Variants in SLC9A3 observed in about 807,000 individuals in gnomAD.
SLC9A3 encodes the protein sodium/hydrogen exchanger 3.
SLC9A3 carries 37 observed loss-of-function variants against 86.8 expected under a neutral mutation model. That is an observed-to-expected ratio of 0.43 (90% CI 0.33 to 0.56). The LOEUF is 0.56. Among genes scored for constraint, SLC9A3 ranks in the 20% least tolerant of loss-of-function variants. The probability of loss-of-function intolerance (pLI) is 0.06; values close to 1 mark genes in which losing one functional copy is unlikely to be tolerated. For missense variants in SLC9A3, 1,011 were observed against 1,171.9 expected, an observed-to-expected ratio of 0.86 and a Z score of 2.00; for synonymous variants, 581 against 528.3, an observed-to-expected ratio of 1.10 and a Z score of -1.37.
At position 476,360 on chromosome 5, in the gene SLC9A3, G is replaced by A; in HGVS notation, c.1909C>T (p.Arg637Ter). The change falls in exon 13 of 17, where the codon CGA (arginine) becomes TGA (stop). Residue 637 changes from arginine to a stop codon, truncating the protein, a stop_gained. Coordinates refer to ENST00000264938, the MANE Select transcript of SLC9A3 (RefSeq NM_004174.4). LOFTEE classifies it high-confidence loss of function. ...TCCTCCGTGGGCGTGAGCTCGTGTC[G>A]GCTGTACAGATGCTTGTACTGCGGG... Reference protein sequence around the residue: ...PRQEYKHLYSRHELTPTEDEK... With the variant: ...PRQEYKHLYS 1 of 1,613,764 alleles carries A rather than the reference G, an allele frequency of 6.2e-7. No individual in the cohort carries two copies.
intron 1 of SLC9A3, among the ~76,000 whole-genome samples, chr5:506,120 A>G (rs1200824630): frequency 1.3e-5 from 2 of 151,954 alleles, no homozygotes; most frequent in Non-Finnish European, 2.9e-5. Context: ...TGTTAACTGC[A>G]CCTGTGCCTG....
rs1171631711 is a variant in SLC9A3, at chr5:471,169, A to T, written c.*2210T>A. 6.4e-6 allele frequency: 1 copy of T among 156,524 alleles called. No homozygotes were observed. Among genetic ancestry groups the T allele is most frequent in the Non-Finnish European group, 1.4e-5 (1 of 70,426 alleles). The allele number at this position is 156,524 out of a possible 1,614,324, so 9.7% of individuals were successfully genotyped here. On this transcript the variant is annotated 3_prime_UTR_variant, in exon 17 of 17. Coordinates refer to ENST00000264938, the MANE Select transcript of SLC9A3 (RefSeq NM_004174.4). ...GGTGCTGAAGACCGACCAGTCAAGGAGGTGTTGGTGGGAGTGTTGTGTTCA... is the reference window on the plus strand; with the variant it reads ...GGTGCTGAAGACCGACCAGTCAAGGTGGTGTTGGTGGGAGTGTTGTGTTCA...
At chr5:482,400 C>T (rs1026649077) in intron 7 of SLC9A3, 148 bp downstream of exon 7, 6 of 725,230 alleles carry the variant, frequency 8.3e-6, no homozygotes, top group African/African-American at 5.3e-5. Context: ...AGTGGGGCCA[C>T]GTGAAAACCT....
At chr5:477,265 G>T in intron 11 of SLC9A3, 67 bp downstream of exon 11, 1 of 1,173,062 alleles carries the variant, frequency 8.5e-7, no homozygotes, top group Non-Finnish European at 1.2e-6. Flanking sequence ...CCACAGCCCT[G>T]TCTGTGACTC....
In SLC9A3 at chr5:475,514, C is replaced by T. The variant is rs1312006274; in HGVS notation, c.2251+47G>A. 5 of 1,111,066 alleles carry T rather than the reference C, an allele frequency of 4.5e-6. No homozygotes were observed. The Admixed American group carries it at 8.4e-5, about 19-fold the overall frequency. The allele number at this position is 1,111,066 out of a possible 1,614,324, so 68.8% of individuals were successfully genotyped here. On this transcript the variant is annotated intron_variant, in intron 15 of 16. Transcript: ENST00000264938. ...ATGACCGAGCTCCCTCCTGGGGCGG[C>T]AGGAGCCACCCCTCCCTTAGCCACG... is the stretch of plus-strand genomic sequence containing the variant.
rs1739728615 is a variant in SLC9A3, at chr5:491,357, T to C, written c.514+412A>G. The stretch of plus-strand genomic sequence containing the variant: ...CAGCAGTTCTGGCTCCGGCTGTGGC[T>C]GCAGCGGTGGCCGAGCGGCTCCGGC... On this transcript the variant is annotated intron_variant, in intron 2 of 16. Coordinates refer to ENST00000264938, the MANE Select transcript of SLC9A3 (RefSeq NM_004174.4). The surrounding 1 kb of genome is among the most constrained non-coding windows in gnomAD (Gnocchi z 9.2). Among the ~76,000 whole-genome samples, 1 of 152,148 alleles carries C rather than the reference T, an allele frequency of 6.6e-6. No individual in the cohort carries two copies. Among genetic ancestry groups the C allele is most frequent in the African/African-American group, 2.4e-5 (1 of 41,432 alleles).
chr5:519,839 G>A (rs1733834402), intron 1 of SLC9A3, among the ~76,000 whole-genome samples: 1 of 152,148 alleles, frequency 6.6e-6, no homozygotes, highest in African/African-American at 2.4e-5. Context: ...GGGGGTGGGG[G>A]GGCTGCGCCG....
Position 502,475 on chromosome 5 carries a change from C to T in SLC9A3, c.212-10404G>A, listed in dbSNP as rs144567826. On this transcript the variant is annotated intron_variant, in intron 1 of 16. Transcript: ENST00000264938. ...CAGCGGCGCCTACCAGGGGCCGCAGCGGAGCACAGTCCCCGGCAAGACACC... is the reference window on the plus strand; with the variant it reads ...CAGCGGCGCCTACCAGGGGCCGCAGTGGAGCACAGTCCCCGGCAAGACACC... 8.4e-3 allele frequency among the ~76,000 whole-genome samples: 1,277 copies of T among 152,342 alleles called. 16 individuals carry two copies. Among genetic ancestry groups the T allele is most frequent in the African/African-American group, 0.029 (1,202 of 41,576 alleles).
intron 1 of SLC9A3, among the ~76,000 whole-genome samples, chr5:495,178 C>T (rs919196813): frequency 1.2e-4 from 19 of 152,048 alleles, no homozygotes; most frequent in Non-Finnish European, 2.2e-4. Context: ...TGGTGGCTGC[C>T]GACACTTGGC....
Position 491,642 on chromosome 5 carries a change from G to T in SLC9A3, c.514+127C>A. The stretch of plus-strand genomic sequence containing the variant: ...GAGGGCCTACGGGGCTGCCAGCCAC[G>T]TTTCTCACCTGACACTTACCGCCTG... On this transcript the variant is annotated intron_variant, in intron 2 of 16. Coordinates refer to ENST00000264938, the MANE Select transcript of SLC9A3 (RefSeq NM_004174.4). The surrounding 1 kb of genome is among the most constrained non-coding windows in gnomAD (Gnocchi z 9.2). The T allele has an allele frequency of 1.2e-6, 1 of 854,308 alleles. No individual in the cohort carries two copies. Among genetic ancestry groups the T allele is most frequent in the Non-Finnish European group, 1.7e-6 (1 of 576,472 alleles). The allele number at this position is 854,308 out of a possible 1,614,324, so 52.9% of individuals were successfully genotyped here. A position where few individuals can be genotyped will look rare whatever the true frequency, so the allele number is the denominator to read the frequency against.
intron 12 of SLC9A3, 77 bp from the exon 13 acceptor site, chr5:476,455 C>G (rs916304865): frequency 2.5e-6 from 4 of 1,604,324 alleles, no homozygotes; most frequent in Non-Finnish European, 3.4e-6. Context: ...GAGCTGAGCA[C>G]GGATCCCCCG....
In SLC9A3 at chr5:473,144, C is replaced by CGGCCTCGCCCCCGGCGCA; in HGVS notation, c.*234_*235insTGCGCCGGGGGCGAGGCC. 1 of 244,168 alleles carries CGGCCTCGCCCCCGGCGCA rather than the reference C, an allele frequency of 4.1e-6. No homozygotes were observed. The highest frequency in any genetic ancestry group is 7.4e-6 in the Non-Finnish European group (1 of 134,256). 15.1% of individuals were successfully genotyped at this position (244,168 alleles called of 1,614,324 possible). ...GCGCACTCGGCAGCCCTCGGCGCTCCGGCCCCGCCCCCGGCGCAGGCCCCG... is the reference window on the plus strand; with the variant it reads ...GCGCACTCGGCAGCCCTCGGCGCTCCGGCCTCGCCCCCGGCGCAGGCCCCGCCCCCGGCGCAGGCCCCG... On this transcript the variant is annotated 3_prime_UTR_variant, in exon 17 of 17. Coordinates refer to ENST00000264938, the MANE Select transcript of SLC9A3 (RefSeq NM_004174.4).
intron 9 of SLC9A3, 76 bp from the exon 10 acceptor site, chr5:480,041 TTC>T (rs1340209000): frequency 2.6e-6 from 4 of 1,530,096 alleles, no homozygotes; most frequent in East Asian, 4.6e-5. Context: ...GCCCGGCCCC[TTC>T]TCTCCTGAAT....
intron 1 of SLC9A3, among the ~76,000 whole-genome samples, chr5:506,154 A>G (rs1560970418): frequency 6.6e-6 from 1 of 152,114 alleles, no homozygotes; most frequent in Non-Finnish European, 1.5e-5. Context: ...AGCCGCCACT[A>G]TCAAGGAGCT....
intron 1 of SLC9A3, among the ~76,000 whole-genome samples, chr5:494,422 AC>A (rs1227396305): frequency 6.6e-6 from 1 of 151,862 alleles, no homozygotes; most frequent in African/African-American, 2.4e-5. Flanking sequence ...GCAGCCTGGG[AC>A]CCCCTCCACA....
chr5:473,412 C>G, intron 16 of SLC9A3, 30 bp from the exon 17 acceptor site: 2 of 1,385,882 alleles, frequency 1.4e-6, no homozygotes, highest in Non-Finnish European at 1.9e-6. Flanking sequence ...GAGCGGCGCG[C>G]GGAGCCCGGG....
rs183029208 is a variant in SLC9A3, at chr5:513,273, C to T, written c.211+10839G>A. Among the ~76,000 whole-genome samples, 121 of 152,244 alleles carry T rather than the reference C, an allele frequency of 7.9e-4. 6 individuals carry two copies. The East Asian group carries it at 0.014, about 18-fold the overall frequency. Reference sequence around the variant, plus strand: ...CATCCCCTTTGGAGTTTTGGATTGGCAACATTTACCATGGGCAGTATCTGG... The same window carrying T: ...CATCCCCTTTGGAGTTTTGGATTGGTAACATTTACCATGGGCAGTATCTGG... On this transcript the variant is annotated intron_variant, in intron 1 of 16. Coordinates refer to ENST00000264938, the MANE Select transcript of SLC9A3 (RefSeq NM_004174.4).
intron 14 of SLC9A3, 99 bp from the exon 15 acceptor site, chr5:475,770 C>A: frequency 1.3e-6 from 1 of 753,032 alleles, no homozygotes; most frequent in Non-Finnish European, 2.3e-6. Flanking sequence ...GAGGTGCAGG[C>A]AGTCGGGACC....
At chr5:490,678 C>T (rs140575461) in intron 2 of SLC9A3, among the ~76,000 whole-genome samples, 77 of 152,320 alleles carry the variant, frequency 5.1e-4, no homozygotes, top group Middle Eastern at 3.4e-3. Flanking sequence ...CTCGAGGGGC[C>T]GCGGGTCCAG....
Sources: gnomAD v4.1 joint callset for allele counts (sites outside exome capture counted in the v4.1 genomes callset) on GRCh38, gnomAD v4.1.1 for gene constraint, Gnocchi (gnomAD v3.1) non-coding constraint, MANE v1.5 for transcripts, NCBI Gene and HGNC (gene_info 2026-07-23, HGNC 2026-07-21) for gene names.